The following BIN2 variants were observed in gnomAD, a reference collection of about 807,000 sequenced individuals.
The protein encoded by BIN2 is bridging integrator 2.
BIN2 carries 43 observed loss-of-function variants against 67.9 expected under a neutral mutation model. The observed-to-expected ratio is 0.63, with a 90% CI of 0.50 to 0.82. The LOEUF (loss-of-function observed/expected upper bound fraction) is 0.82, where lower values mean the gene tolerates loss of function less well. BIN2 is among the 40% of genes least tolerant of loss of function. The pLI, the probability that BIN2 is intolerant of heterozygous loss-of-function variation, is 0.00. For missense variants in BIN2, 581 were observed against 671.6 expected (o/e 0.87, Z 1.49); for synonymous variants, 244 against 246.8 (o/e 0.99, Z 0.11).
chr12:51,324,530 T>G (rs1478186826), upstream of BIN2: 2 of 1,531,010 alleles, frequency 1.3e-6, no homozygotes, highest in Non-Finnish European at 1.7e-6. Context: ...AAAACACGTT[T>G]AGGTTCTCTG....
chr12:51,284,066 G>C (rs1312088285), intron 12 of BIN2, among the ~76,000 whole-genome samples: 1 of 151,878 alleles, frequency 6.6e-6, no homozygotes, highest in African/African-American at 2.4e-5. Context: ...TAGTCTATAG[G>C]AGTGTAAGTA....
In BIN2 at chr12:51,284,745, T is replaced by G. The variant is rs752425161; in HGVS notation, c.1639A>C (p.Asn547His). The G allele has an allele frequency of 3.1e-6, 5 of 1,613,318 alleles. No individual in the cohort carries two copies. ...TCTTGAGGTTCAGGTGCTGTGAGGT[T>G]GTTGTTTTCTGGTACCATGGAGACT... is the stretch of plus-strand genomic sequence containing the variant. The part of the protein sequence containing the change: ...LQVSMVPENN[N>H]LTAPEPQEEV... Residue 547 changes from asparagine (N) to histidine (H), a missense_variant, in exon 12 of 13, where the codon AAC becomes CAC. Coordinates refer to ENST00000615107, the MANE Select transcript of BIN2 (RefSeq NM_016293.4).
intron 10 of BIN2, among the ~76,000 whole-genome samples, chr12:51,289,364 C>T (rs1478101587): frequency 6.6e-6 from 1 of 151,932 alleles, no homozygotes. Context: ...CCTGTAAGCC[C>T]AGCACTTTGG....
chr12:51,295,947 C>T, intron 8 of BIN2, 69 bp from the exon 9 acceptor site: 1 of 1,264,152 alleles, frequency 7.9e-7, no homozygotes, highest in South Asian at 1.2e-5. Context: ...CCCTTCTCCC[C>T]TCCCCTTCAG....
In BIN2 at chr12:51,291,832, C is replaced by T. The variant is rs1302589931; in HGVS notation, c.1274G>A (p.Ser425Asn). Residue 425 changes from serine (S) to asparagine (N), a missense_variant, in exon 10 of 13, where the codon AGC (serine) becomes AAC (asparagine). Physicochemically the swap from Ser to Asn is conservative, Grantham distance 46. Transcript: ENST00000615107. The part of the protein sequence containing the change: ...SRPPPPRATA[S>N]PRPSSGNIPS... ...TATGTTCCCTGAGGAGGGCCTGGGG[C>T]TTGCAGTGGCTCTGGGTGGAGGAGG... 6.2e-7 allele frequency: 1 copy of T among 1,613,994 alleles called. No individual in the cohort carries two copies. Among genetic ancestry groups the T allele is most frequent in the African/African-American group, 1.3e-5 (1 of 75,004 alleles).
intron 10 of BIN2, among the ~76,000 whole-genome samples, chr12:51,289,505 C>T (rs906056121): frequency 2.6e-5 from 4 of 151,846 alleles, no homozygotes; most frequent in East Asian, 1.9e-4. Context: ...GTACCAGCTA[C>T]GTGGGAGGCT....
At chr12:51,302,813 T>C (rs746198337) in intron 3 of BIN2, 33 bp from the exon 4 acceptor site, 1 of 1,558,060 alleles carries the variant, frequency 6.4e-7, no homozygotes, top group Admixed American at 1.7e-5. Flanking sequence ...CACCATCATG[T>C]TTCCCCAACA....
In BIN2 at chr12:51,323,749, G is replaced by C. The variant is rs559387554; in HGVS notation, c.81+273C>G. 2.0e-5 allele frequency among the ~76,000 whole-genome samples: 3 copies of C among 152,348 alleles called. No homozygotes were observed. The South Asian group carries it at 6.2e-4, about 32-fold the overall frequency. ...TCACCTTTTCTGGGTCAGCCTGAGG[G>C]TTGTCGAAGGTTCTGCCCAGAGACT... is the stretch of plus-strand genomic sequence containing the variant. On this transcript the variant is annotated intron_variant, in intron 1 of 12. Transcript: ENST00000615107.
intron 1 of BIN2, among the ~76,000 whole-genome samples, chr12:51,318,468 G>A (rs543809540): frequency 1.6e-4 from 25 of 152,206 alleles, no homozygotes; most frequent in African/African-American, 5.8e-4. Flanking sequence ...CGCCATGTTG[G>A]CCAGGCTGGT....
intron 1 of BIN2, among the ~76,000 whole-genome samples, chr12:51,317,579 G>C (rs1166923126): frequency 1.3e-5 from 2 of 152,086 alleles, no homozygotes; most frequent in Non-Finnish European, 2.9e-5. Flanking sequence ...TGACGCAGGA[G>C]AATCGGTTAA....
In BIN2 at chr12:51,291,937, C is replaced by G. The variant is rs774433785; in HGVS notation, c.1169G>C (p.Arg390Pro). ...AGATCCTTCACTTGCGGTGCGGGTTCGGAGGACTACTTCTGTGGCAGATGA... is the reference window on the plus strand; with the variant it reads ...AGATCCTTCACTTGCGGTGCGGGTTGGGAGGACTACTTCTGTGGCAGATGA... ...PSSSATEVVL[R>P]TRTASEGSEQ... The change falls in exon 10 of 13, where the codon CGA becomes CCA. Residue 390 changes from arginine (R) to proline (P), a missense_variant. By Grantham distance (103) the Arg-to-Pro change is moderately radical. Coordinates refer to ENST00000615107, the MANE Select transcript of BIN2 (RefSeq NM_016293.4). The G allele has an allele frequency of 6.2e-7, 1 of 1,613,986 alleles. No individual in the cohort carries two copies. The highest frequency in any genetic ancestry group is 1.3e-5 in the African/African-American group (1 of 74,892).
chr12:51,321,012 G>A (rs971440238), intron 1 of BIN2, among the ~76,000 whole-genome samples: 3 of 149,010 alleles, frequency 2.0e-5, no homozygotes, highest in East Asian at 2.0e-4. Flanking sequence ...GAGTTTGGGC[G>A]GGAAATGGAA....
intron 12 of BIN2, among the ~76,000 whole-genome samples, chr12:51,283,828 C>A (rs1945174175): frequency 6.6e-6 from 1 of 151,896 alleles, no homozygotes; most frequent in African/African-American, 2.4e-5. Flanking sequence ...AACCCCGTCT[C>A]TACTAAAAGT....
intron 1 of BIN2, among the ~76,000 whole-genome samples, chr12:51,315,721 T>A (rs1483627457): frequency 6.6e-6 from 1 of 152,152 alleles, no homozygotes; most frequent in Non-Finnish European, 1.5e-5. Flanking sequence ...GGCCCCGATA[T>A]AATGCATTTG....
chr12:51,310,411 C>G lies in BIN2; in HGVS notation c.162+3412G>C, dbSNP rs550267564. Among the ~76,000 whole-genome samples, 396 of 152,172 alleles carry G rather than the reference C, an allele frequency of 2.6e-3. 1 individual carries two copies. The highest frequency in any genetic ancestry group is 3.8e-3 in the Non-Finnish European group (257 of 67,986). Reference sequence around the variant, plus strand: ...CATGTCAGTGAGTTGCTGATTTAAACAAACCATAAAAAGCATGAAGACACA... The same window carrying G: ...CATGTCAGTGAGTTGCTGATTTAAAGAAACCATAAAAAGCATGAAGACACA... On this transcript the variant is annotated intron_variant, in intron 2 of 12. Transcript: ENST00000615107.
chr12:51,322,955 G>A (rs1946324818), intron 1 of BIN2: 1 of 152,198 alleles, frequency 6.6e-6, no homozygotes, highest in African/African-American at 2.4e-5. Context: ...CCTTCCCAGG[G>A]CTCAAAGCAG....
intron 1 of BIN2, among the ~76,000 whole-genome samples, chr12:51,320,974 A>ACACACACACACACACACACACAC (rs1946264105): frequency 2.9e-5 from 2 of 69,576 alleles, no homozygotes; most frequent in African/African-American, 9.4e-5. Flanking sequence ...CACACACTCT[A>ACACACACACACACACACACACAC]AAGCCAGCTT....
intron 10 of BIN2, among the ~76,000 whole-genome samples, chr12:51,290,560 C>T (rs988375193): frequency 1.3e-5 from 2 of 152,048 alleles, no homozygotes; most frequent in Non-Finnish European, 2.9e-5. Flanking sequence ...GGCGAGGTGG[C>T]TCACGCCTGT....
chr12:51,292,424 A>G, intron 9 of BIN2, 80 bp from the exon 10 acceptor site: 1 of 1,330,294 alleles, frequency 7.5e-7, no homozygotes. Context: ...GATGCATGTA[A>G]TAAAAAAAAG....
Sources: gnomAD v4.1 joint callset for allele counts (sites outside exome capture counted in the v4.1 genomes callset) on GRCh38, gnomAD v4.1.1 for gene constraint, MANE v1.5 for transcripts, NCBI Gene and HGNC (gene_info 2026-07-23, HGNC 2026-07-21) for gene names.